The following PIEZO2 variants were observed in gnomAD, a reference collection of about 807,000 sequenced individuals.
The protein encoded by PIEZO2 is piezo-type mechanosensitive ion channel component 2.
Under a neutral mutation model 337.3 loss-of-function variants are expected in PIEZO2, and 172 were observed. The ratio of observed to expected loss-of-function variants is 0.51; its 90% confidence interval spans 0.45 to 0.58. PIEZO2 has a LOEUF of 0.58. PIEZO2 is among the 20% of genes least tolerant of loss of function. PIEZO2 has a pLI of 0.00. For synonymous variants in PIEZO2, 1,251 were observed against 1,228.5 expected, an observed-to-expected ratio of 1.02 and a Z score of -0.38; for missense variants, 3,028 against 3,391.3, an observed-to-expected ratio of 0.89 and a Z score of 2.66.
chr18:10,740,441 G>A (rs2037173034), intron 33 of PIEZO2: 1 of 152,550 alleles, frequency 6.6e-6, no homozygotes, highest in East Asian at 1.9e-4. Context: ...TTGGGGAGGA[G>A]GCGTAGTAAG....
intron 4 of PIEZO2, among the ~76,000 whole-genome samples, chr18:10,902,596 A>C (rs1456235074): frequency 6.6e-6 from 1 of 152,196 alleles, no homozygotes; most frequent in African/African-American, 2.4e-5. Flanking sequence ...AGACTTATAA[A>C]GGTGTATAAT....
At chr18:10,754,944 T>G (rs1195808864) in intron 27 of PIEZO2, among the ~76,000 whole-genome samples, 1 of 152,112 alleles carries the variant, frequency 6.6e-6, no homozygotes, top group Admixed American at 6.6e-5. Flanking sequence ...CATGACCTCC[T>G]TGGGCTGGGG....
intron 2 of PIEZO2, among the ~76,000 whole-genome samples, chr18:11,040,954 A>T (rs1002960633): frequency 6.6e-6 from 1 of 152,164 alleles, no homozygotes; most frequent in Non-Finnish European, 1.5e-5. Flanking sequence ...GGTGAGTGGG[A>T]ATGGTCCGAA....
rs2041406607 is a variant in PIEZO2, at chr18:10,847,581, G to C, written c.917+7772C>G. 6.6e-6 allele frequency among the ~76,000 whole-genome samples: 1 copy of C among 152,104 alleles called. No individual in the cohort carries two copies. Among genetic ancestry groups the C allele is most frequent in the Admixed American group, 6.6e-5 (1 of 15,266 alleles). ...GACACCTCATTGCCCTGGGATCCCG[G>C]TCCCCACTACACCCACGTAGGCCCC... On this transcript the variant is annotated intron_variant, in intron 7 of 55. Coordinates refer to ENST00000674853, the MANE Select transcript of PIEZO2 (RefSeq NM_001378183.1). This position sits in a 1 kb window ranked among gnomAD's most constrained non-coding sequence, Gnocchi z 5.7.
rs995825373 is a variant in PIEZO2 at position 10,759,384 on chromosome 18, T to C, written c.3757+98A>G. On this transcript the variant is annotated intron_variant, in intron 26 of 55. Coordinates refer to ENST00000674853, the MANE Select transcript of PIEZO2 (RefSeq NM_001378183.1). The surrounding 1 kb of genome is among the most constrained non-coding windows in gnomAD (Gnocchi z 5.5). Reference sequence around the variant, plus strand: ...CAAGCCTTTACATGATTACGAAGTCTAGTGGAAGACAAAAGGCACTAATGC... The same window carrying C: ...CAAGCCTTTACATGATTACGAAGTCCAGTGGAAGACAAAAGGCACTAATGC... 1.4e-5 allele frequency: 14 copies of C among 993,920 alleles called. No individual in the cohort carries two copies. The highest frequency in any genetic ancestry group is 2.0e-5 in the Non-Finnish European group (13 of 665,730). 61.6% of individuals were successfully genotyped at this position (993,920 alleles called of 1,614,324 possible).
chr18:10,866,351 C>A lies in PIEZO2; in HGVS notation c.492+4902G>T, dbSNP rs933424763. On this transcript the variant is annotated intron_variant, in intron 5 of 55. Coordinates refer to ENST00000674853, the MANE Select transcript of PIEZO2 (RefSeq NM_001378183.1). ...CCCAGGATGGAGTGCAGTGGCGTGACCTTGGCTCACTGCAACCTCTGCCTC... is the reference window on the plus strand; with the variant it reads ...CCCAGGATGGAGTGCAGTGGCGTGAACTTGGCTCACTGCAACCTCTGCCTC... Among the ~76,000 whole-genome samples, 47 of 150,786 alleles carry A rather than the reference C, an allele frequency of 3.1e-4. 1 individual carries two copies. Among genetic ancestry groups the A allele is most frequent in the African/African-American group, 1.0e-3 (41 of 40,994 alleles).
intron 4 of PIEZO2, among the ~76,000 whole-genome samples, chr18:10,889,493 T>G (rs1053961203): frequency 1.1e-4 from 16 of 152,222 alleles, no homozygotes; most frequent in Non-Finnish European, 8.8e-5. Flanking sequence ...TTAGACTATG[T>G]TTTTGGAAGA....
rs2036453718 is a variant in PIEZO2 at position 10,724,626 on chromosome 18, G to A, written c.5030-6367C>T. ...GTGACCCCCAAGACAGAATGGTGCT[G>A]GACTCGGGGTCTCAGGCGTATGATC... On this transcript the variant is annotated intron_variant, in intron 36 of 55. Coordinates refer to ENST00000674853, the MANE Select transcript of PIEZO2 (RefSeq NM_001378183.1). The surrounding 1 kb of genome is among the most constrained non-coding windows in gnomAD (Gnocchi z 5.8). The A allele has an allele frequency of 1.5e-6, 1 of 687,362 alleles. No homozygotes were observed. 42.6% of individuals were successfully genotyped at this position (687,362 alleles called of 1,614,324 possible).
rs1376680291 is a variant in PIEZO2, at chr18:11,033,625, T to A, written c.160+32502A>T. ...ACTGCATTTCACTGAAAAAAGCTAG[T>A]CTGAAAACATAAACCATATAACGAG... On this transcript the variant is annotated intron_variant, in intron 2 of 55. Coordinates refer to ENST00000674853, the MANE Select transcript of PIEZO2 (RefSeq NM_001378183.1). The surrounding 1 kb of genome is among the most constrained non-coding windows in gnomAD (Gnocchi z 4.2). Among the ~76,000 whole-genome samples the A allele has an allele frequency of 6.6e-6, 1 of 152,118 alleles. No homozygotes were observed. The highest frequency in any genetic ancestry group is 2.4e-5 in the African/African-American group (1 of 41,416).
At chr18:11,073,090 G>A (rs1040506108) in intron 1 of PIEZO2, among the ~76,000 whole-genome samples, 1 of 152,104 alleles carries the variant, frequency 6.6e-6, no homozygotes, top group Non-Finnish European at 1.5e-5. Context: ...GATTAACTTC[G>A]GAGGCGGGAG....
At chr18:11,082,753 G>C (rs138235572) in intron 1 of PIEZO2, among the ~76,000 whole-genome samples, 5 of 152,084 alleles carry the variant, frequency 3.3e-5, no homozygotes, top group Non-Finnish European at 5.9e-5. Flanking sequence ...CATCTGGAAC[G>C]TGTTAATTTT....
intron 3 of PIEZO2, among the ~76,000 whole-genome samples, chr18:10,978,569 T>C (rs1234888604): frequency 2.6e-5 from 4 of 152,202 alleles, no homozygotes; most frequent in Admixed American, 2.6e-4. Context: ...CAGTGAGGGA[T>C]AATAGTTTAT....
At chr18:10,829,300 C>T (rs2040772423) in intron 7 of PIEZO2, among the ~76,000 whole-genome samples, 1 of 151,784 alleles carries the variant, frequency 6.6e-6, no homozygotes, top group Non-Finnish European at 1.5e-5. Flanking sequence ...AAGGAACATA[C>T]CTCAACACAA....
At chr18:11,023,526 C>G (rs1030292082) in intron 2 of PIEZO2, among the ~76,000 whole-genome samples, 7 of 152,198 alleles carry the variant, frequency 4.6e-5, no homozygotes, top group Admixed American at 4.6e-4. Context: ...ATTTACAATC[C>G]CTTAGCTAGA....
At chr18:10,814,893 T>C (rs2040315697) in intron 7 of PIEZO2, among the ~76,000 whole-genome samples, 2 of 152,206 alleles carry the variant, frequency 1.3e-5, no homozygotes, top group South Asian at 4.1e-4. Context: ...TGCGTTTCTG[T>C]AAGCGAGTCC....
chr18:10,866,982 G>A (rs2042023665), intron 5 of PIEZO2, among the ~76,000 whole-genome samples: 1 of 152,170 alleles, frequency 6.6e-6, no homozygotes, highest in African/African-American at 2.4e-5. Context: ...GTGACCTTAA[G>A]GACCAGCAAA....
chr18:10,766,882 A>T lies in PIEZO2; in HGVS notation c.2946+3266T>A, dbSNP rs1006947181. On this transcript the variant is annotated intron_variant, in intron 21 of 55. Coordinates refer to ENST00000674853, the MANE Select transcript of PIEZO2 (RefSeq NM_001378183.1). This position sits in a 1 kb window ranked among gnomAD's most constrained non-coding sequence, Gnocchi z 6.1. The stretch of plus-strand genomic sequence containing the variant: ...ATTGTGAGTCCTTAATAAAGGCTCA[A>T]TGAATGCTTAGTGAGAGTGAAAATA... 2.0e-5 allele frequency among the ~76,000 whole-genome samples: 3 copies of T among 152,224 alleles called. No homozygotes were observed. Among genetic ancestry groups the T allele is most frequent in the Admixed American group, 6.5e-5 (1 of 15,286 alleles).
intron 9 of PIEZO2, among the ~76,000 whole-genome samples, chr18:10,803,454 C>T (rs1257229750): frequency 6.6e-6 from 1 of 152,188 alleles, no homozygotes; most frequent in Non-Finnish European, 1.5e-5. Context: ...GAGCTCACTT[C>T]ATTTATTTTC....
In PIEZO2 at chr18:11,097,832, G is replaced by A. The variant is rs2039302305; in HGVS notation, c.65-31610C>T. On this transcript the variant is annotated intron_variant, in intron 1 of 55. Transcript: ENST00000674853. The surrounding 1 kb of genome is among the most constrained non-coding windows in gnomAD (Gnocchi z 5.0). ...TGGGCTGTTTTCTAAAGACTTCTGT[G>A]GACTTCTATGTTTTGTCTTTATTCA... Among the ~76,000 whole-genome samples the A allele has an allele frequency of 6.6e-6, 1 of 152,072 alleles. No individual in the cohort carries two copies. The highest frequency in any genetic ancestry group is 1.5e-5 in the Non-Finnish European group (1 of 68,014).
Sources: allele counts gnomAD v4.1 joint callset (sites outside exome capture counted in the v4.1 genomes callset), GRCh38; gene constraint gnomAD v4.1.1; non-coding constraint Gnocchi (gnomAD v3.1); transcripts MANE v1.5; gene names NCBI Gene and HGNC (gene_info 2026-07-23, HGNC 2026-07-21).